KANK1: variants seen among roughly 807,000 people sequenced by gnomAD.
KANK1 encodes KN motif and ankyrin repeat domain-containing protein 1.
A neutral mutation model predicts 106.2 loss-of-function variants in KANK1; 109 were observed. That is an observed-to-expected ratio of 1.03 (90% CI 0.88 to 1.20). The LOEUF is 1.20. Ranked by LOEUF, KANK1 falls within the 50% of genes most tolerant of loss-of-function variation. The probability of loss-of-function intolerance (pLI) is 0.00; values close to 1 mark genes in which losing one functional copy is unlikely to be tolerated. For synonymous variants in KANK1, 873 were observed against 652.2 expected, an observed-to-expected ratio of 1.34 and a Z score of -5.16; for missense variants, 2,399 against 1,710.7, an observed-to-expected ratio of 1.40 and a Z score of -7.10.
At chr9:710,619 AAAAAAAAAAACAAAAAAAAAC>A (rs1235620317) in intron 2 of KANK1, among the ~76,000 whole-genome samples, 164 bp from the exon 3 acceptor site, 2 of 125,124 alleles carry the variant, frequency 1.6e-5, no homozygotes, top group African/African-American at 8.6e-5. Context: ...CTGTCTCAAA[AAAAAAAAAAACAAAAAAAAAC>A]AAAAAAAACT....
At chr9:504,428 G>A (rs993452717), upstream of KANK1, among the ~76,000 whole-genome samples, 1 of 151,784 alleles carries the variant, frequency 6.6e-6, no homozygotes, top group Non-Finnish European at 1.5e-5. Flanking sequence ...ACTGAGGGCC[G>A]CCCGCGGCCG....
chr9:530,096 C>G (rs10975002), intron 1 of KANK1, among the ~76,000 whole-genome samples: 16 of 152,062 alleles, frequency 1.1e-4, no homozygotes, highest in Non-Finnish European at 2.2e-4. Flanking sequence ...TGTTCATATC[C>G]TTTGCCATTG....
At chr9:705,471 T>C (rs1823836932) in intron 2 of KANK1, among the ~76,000 whole-genome samples, 1 of 152,092 alleles carries the variant, frequency 6.6e-6, no homozygotes, top group South Asian at 2.1e-4. Flanking sequence ...GTTTATTATG[T>C]TATACTATAT....
At chr9:676,526 C>G (rs1484864276) in intron 1 of KANK1, among the ~76,000 whole-genome samples, 2 of 152,086 alleles carry the variant, frequency 1.3e-5, no homozygotes, top group Admixed American at 1.3e-4. Flanking sequence ...CTTTTTGAAC[C>G]AGAATTTGGA....
In KANK1 at chr9:712,338, C is replaced by A; in HGVS notation, c.1572C>A (p.Asp524Glu). The change falls in exon 3 of 12, where the codon GAC becomes GAA. Residue 524 changes from aspartate to glutamate, a missense_variant. Physicochemically the swap from Asp to Glu is conservative, Grantham distance 45. Coordinates refer to ENST00000382297, the MANE Select transcript of KANK1 (RefSeq NM_015158.5). ...TGGAGGCAGTGGTGCAGACCAGAGA[C>A]CAAATGGTCGGCAGTCACATGGACC... ...KVVEAVVQTR[D>E]QMVGSHMDLV... 2 of 1,614,166 alleles carry A rather than the reference C, an allele frequency of 1.2e-6. No individual in the cohort carries two copies. The highest frequency in any genetic ancestry group is 1.7e-6 in the Non-Finnish European group (2 of 1,180,032).
At chr9:633,308 A>G (rs894561813) in intron 1 of KANK1, among the ~76,000 whole-genome samples, 4 of 151,960 alleles carry the variant, frequency 2.6e-5, no homozygotes, top group Non-Finnish European at 5.9e-5. Flanking sequence ...TACAAAAAAA[A>G]TTAGCCGGGC....
rs566509840 is a variant in KANK1, at chr9:685,450, G to C, written c.37+8441G>C. 9 of 152,280 alleles carry C rather than the reference G, an allele frequency of 5.9e-5. No individual in the cohort carries two copies. In the Middle Eastern group the frequency reaches 0.017, roughly 288 times the overall value. The allele number at this position is 152,280 out of a possible 1,614,324, so 9.4% of individuals were successfully genotyped here. Reference sequence around the variant, plus strand: ...GAAAAACAGAACTATAGACATAAGGGAGAGCTGTGCTAAGGGACAAATTGT... The same window carrying C: ...GAAAAACAGAACTATAGACATAAGGCAGAGCTGTGCTAAGGGACAAATTGT... On this transcript the variant is annotated intron_variant, in intron 2 of 11. Transcript: ENST00000382297.
rs568468266 is a variant in KANK1 at position 635,385 on chromosome 9, C to A, written c.-83-41505C>A. ...ATCTCTCTAGCTGGACCCTGAGGTCCTTTGGGGCATGCCTGCGCTGCTCTC... is the reference window on the plus strand; with the variant it reads ...ATCTCTCTAGCTGGACCCTGAGGTCATTTGGGGCATGCCTGCGCTGCTCTC... On this transcript the variant is annotated intron_variant, in intron 1 of 11. Transcript: ENST00000382297. Among the ~76,000 whole-genome samples the A allele has an allele frequency of 2.0e-5, 3 of 152,276 alleles. No individual in the cohort carries two copies. In the East Asian group the frequency reaches 5.8e-4, roughly 29 times the overall value.
chr9:744,419 G>A (rs1264503536), intron 10 of KANK1, 72 bp from the exon 11 acceptor site: 2 of 1,531,328 alleles, frequency 1.3e-6, no homozygotes, highest in African/African-American at 1.4e-5. Flanking sequence ...AGGGTGTTTT[G>A]TTCTGTTACC....
chr9:621,000 A>G (rs1047124466), intron 1 of KANK1, among the ~76,000 whole-genome samples: 2 of 152,160 alleles, frequency 1.3e-5, no homozygotes, highest in African/African-American at 2.4e-5. Context: ...TCTCTAATTT[A>G]TTATCTCCCA....
intron 3 of KANK1, among the ~76,000 whole-genome samples, chr9:724,339 T>C (rs1380338397): frequency 6.6e-6 from 1 of 152,210 alleles, no homozygotes; most frequent in Non-Finnish European, 1.5e-5. Flanking sequence ...TTTCTAATCA[T>C]TGTTGAAGCT....
intron 1 of KANK1, among the ~76,000 whole-genome samples, chr9:615,814 T>C (rs1421260942): frequency 6.6e-6 from 1 of 152,188 alleles, no homozygotes; most frequent in Non-Finnish European, 1.5e-5. Context: ...CTAACCTAGC[T>C]AAAGACCCAT....
At chr9:519,645 T>C (rs2059456710) in intron 1 of KANK1, among the ~76,000 whole-genome samples, 1 of 151,778 alleles carries the variant, frequency 6.6e-6, no homozygotes, top group Non-Finnish European at 1.5e-5. Flanking sequence ...GACAATTACA[T>C]TTCCTTATTT....
intron 3 of KANK1, among the ~76,000 whole-genome samples, chr9:492,535 G>A (rs2058394948): frequency 6.6e-6 from 1 of 152,156 alleles, no homozygotes. Context: ...ACAACTGTGA[G>A]GCTGTCTGTG....
chr9:495,004 C>T (rs1043846405), intron 3 of KANK1, among the ~76,000 whole-genome samples: 4 of 152,132 alleles, frequency 2.6e-5, no homozygotes, highest in Admixed American at 2.0e-4. Context: ...ACAAGGCTAA[C>T]CTAAGACAGC....
At chr9:561,480 G>A (rs754494709) in intron 1 of KANK1, among the ~76,000 whole-genome samples, 12 of 152,138 alleles carry the variant, frequency 7.9e-5, no homozygotes, top group Non-Finnish European at 1.6e-4. Context: ...ACTCTACAAT[G>A]AAGATATCTC....
intron 1 of KANK1, among the ~76,000 whole-genome samples, chr9:512,266 C>T (rs1244343321): frequency 2.3e-5 from 3 of 131,786 alleles, no homozygotes; most frequent in African/African-American, 1.1e-4. Flanking sequence ...TATACACACA[C>T]ACAAGATTTT....
intron 1 of KANK1, among the ~76,000 whole-genome samples, chr9:610,398 T>C (rs1203245172): frequency 6.6e-6 from 1 of 152,214 alleles, no homozygotes; most frequent in South Asian, 2.1e-4. Flanking sequence ...TCCTGAAGAA[T>C]TGAGTGATAT....
chr9:740,744 T>TTA, intron 8 of KANK1, 48 bp from the exon 9 acceptor site: 1 of 1,586,590 alleles, frequency 6.3e-7, no homozygotes, highest in Non-Finnish European at 8.5e-7. Flanking sequence ...GCGGCTGCTA[T>TTA]TAGAAGGGGC....
Sources: allele counts gnomAD v4.1 joint callset (sites outside exome capture counted in the v4.1 genomes callset), GRCh38; gene constraint gnomAD v4.1.1; transcripts MANE v1.5; gene names NCBI Gene and HGNC (gene_info 2026-07-23, HGNC 2026-07-21).